TIMM17A: variants seen among roughly 807,000 people sequenced by gnomAD.
TIMM17A encodes the protein mitochondrial import inner membrane translocase subunit Tim17-A.
A neutral mutation model predicts 26.5 loss-of-function variants in TIMM17A; 15 were observed. The observed-to-expected ratio is 0.57, with a 90% CI of 0.38 to 0.87. TIMM17A has a LOEUF of 0.87. Ranked by LOEUF, TIMM17A falls within the 40% of genes least tolerant of loss-of-function variation. The pLI is 0.00. For synonymous variants in TIMM17A, 80 were observed against 70.8 expected (o/e 1.13, Z -0.66); for missense variants, 201 against 210.0 (o/e 0.96, Z 0.27).
Position 201,957,270 on chromosome 1 carries a change from C to A in TIMM17A, c.27-11C>A. ...TGAGAAATATGGTCTTTTTTTTCCC[C>A]CTGTTCTTAGCCCATGGCGAATTGT... On this transcript the variant is annotated splice_polypyrimidine_tract_variant and intron_variant, in intron 1 of 5. Transcript: ENST00000367287. 1 of 1,560,190 alleles carries A rather than the reference C, an allele frequency of 6.4e-7. No individual in the cohort carries two copies. Among genetic ancestry groups the A allele is most frequent in the Non-Finnish European group, 8.8e-7 (1 of 1,137,482 alleles).
At chr1:201,966,367 GAAAC>G (rs1162175709) in intron 5 of TIMM17A, among the ~76,000 whole-genome samples, 1 of 151,968 alleles carries the variant, frequency 6.6e-6, no homozygotes, top group African/African-American at 2.4e-5. Context: ...GTCTCAAAAT[GAAAC>G]AAACAGAAAA....
At chr1:201,956,300 GTT>G in intron 1 of TIMM17A, among the ~76,000 whole-genome samples, 1 of 152,298 alleles carries the variant, frequency 6.6e-6, no homozygotes, top group Middle Eastern at 3.4e-3. Context: ...GGTTGCCAGA[GTT>G]TAAAGTTTCT....
Position 201,955,535 on chromosome 1 carries a change from G to C in TIMM17A, c.9G>C (p.Glu3Asp). The C allele has an allele frequency of 6.2e-7, 1 of 1,614,264 alleles. No homozygotes were observed. The highest frequency in any genetic ancestry group is 1.1e-5 in the South Asian group (1 of 91,086). ...GCGGCATTGGAGTCAAGATGGAGGA[G>C]TACGCGCGAGAGCCTTGGTGAGCTT... ME[E>D]YAREPCPWRI... Residue 3 changes from glutamate (E) to aspartate (D), a missense_variant, in exon 1 of 6, where the codon GAG (glutamate) becomes GAC (aspartate). Transcript: ENST00000367287.
Position 201,962,635 on chromosome 1 carries a change from C to G in TIMM17A, c.191-981C>G, listed in dbSNP as rs911681300. 14 of 152,240 alleles carry G rather than the reference C, an allele frequency of 9.2e-5. 1 individual carries two copies. The highest frequency in any genetic ancestry group is 2.9e-4 in the African/African-American group (12 of 41,462). The allele number at this position is 152,240 out of a possible 1,614,324, so 9.4% of individuals were successfully genotyped here. A position where few individuals can be genotyped will look rare whatever the true frequency, so the allele number is the denominator to read the frequency against. ...AAAATGCTGGGATTGTAGGCGTGAG[C>G]TACCGCACCTGGCTGTTTTTGTATT... is the stretch of plus-strand genomic sequence containing the variant. On this transcript the variant is annotated intron_variant, in intron 3 of 5. Transcript: ENST00000367287.
intron 3 of TIMM17A, among the ~76,000 whole-genome samples, chr1:201,960,502 T>A (rs1434614186): frequency 6.6e-6 from 1 of 152,196 alleles, no homozygotes; most frequent in East Asian, 1.9e-4. Flanking sequence ...AAGAGTTTAT[T>A]TTTTCTTACA....
chr1:201,965,744 C>T (rs1172076707), intron 5 of TIMM17A, among the ~76,000 whole-genome samples: 1 of 152,130 alleles, frequency 6.6e-6, no homozygotes, highest in African/African-American at 2.4e-5. Flanking sequence ...TGCTGTTGAT[C>T]TTTCTTTATA....
At chr1:201,968,740 G>T (rs1571608710) in intron 5 of TIMM17A, among the ~76,000 whole-genome samples, 1 of 152,106 alleles carries the variant, frequency 6.6e-6, no homozygotes, top group African/African-American at 2.4e-5. Context: ...TGCATTTATA[G>T]TGAAGTAAAA....
intron 1 of TIMM17A, 80 bp downstream of exon 1, chr1:201,955,632 TG>T: frequency 6.3e-7 from 1 of 1,596,112 alleles, no homozygotes; most frequent in Non-Finnish European, 8.6e-7. Context: ...GCTCCCAAGG[TG>T]CAAGCCAGAC....
chr1:201,965,564 C>T (rs759517937), intron 5 of TIMM17A, 21 bp downstream of exon 5: 2 of 1,436,022 alleles, frequency 1.4e-6, no homozygotes, highest in South Asian at 1.1e-5. Context: ...TTGCTTAAAA[C>T]TATAGCTCAA....
intron 3 of TIMM17A, chr1:201,962,775 C>T (rs1229642035): frequency 1.3e-5 from 2 of 152,212 alleles, no homozygotes; most frequent in African/African-American, 2.4e-5. Context: ...ATAGTTCTAG[C>T]TATTTATATC....
At chr1:201,962,902 A>G (rs1400132867) in intron 3 of TIMM17A, 2 of 152,266 alleles carry the variant, frequency 1.3e-5, no homozygotes, top group Non-Finnish European at 2.9e-5. Context: ...ATGACATATA[A>G]TGCAGAAAGG....
chr1:201,964,209 T>C (rs1466301991), intron 4 of TIMM17A, among the ~76,000 whole-genome samples: 1 of 152,244 alleles, frequency 6.6e-6, no homozygotes, highest in Non-Finnish European at 1.5e-5. Flanking sequence ...TGAAAGAGCA[T>C]GGAATTCTAA....
At chr1:201,956,277 G>C (rs1415900970) in intron 1 of TIMM17A, among the ~76,000 whole-genome samples, 1 of 152,220 alleles carries the variant, frequency 6.6e-6, no homozygotes, top group Admixed American at 6.5e-5. Flanking sequence ...TGTAATTGCT[G>C]TCAGAAGTCT....
intron 5 of TIMM17A, among the ~76,000 whole-genome samples, chr1:201,966,862 A>G (rs1682635114): frequency 1.4e-5 from 2 of 138,792 alleles, no homozygotes; most frequent in African/African-American, 2.7e-5. Context: ...TATATATATA[A>G]CATATATATG....
intron 3 of TIMM17A, among the ~76,000 whole-genome samples, chr1:201,958,500 C>G (rs10800801): frequency 6.6e-6 from 1 of 152,116 alleles, no homozygotes; most frequent in Admixed American, 6.5e-5. Flanking sequence ...CTCAGGAGTT[C>G]GAGACCAGCC....
Position 201,969,778 on chromosome 1 carries a change from T to C in TIMM17A, c.*224T>C. On this transcript the variant is annotated 3_prime_UTR_variant, in exon 6 of 6. Coordinates refer to ENST00000367287, the MANE Select transcript of TIMM17A (RefSeq NM_006335.3). Reference sequence around the variant, plus strand: ...ACTTGAATTGCATTTGTGATCAAAATAAATGTTTAAATCGCTAAAGGAAAA... The same window carrying C: ...ACTTGAATTGCATTTGTGATCAAAACAAATGTTTAAATCGCTAAAGGAAAA... The C allele has an allele frequency of 2.7e-6, 1 of 373,062 alleles. No individual in the cohort carries two copies. The highest frequency in any genetic ancestry group is 4.8e-6 in the Non-Finnish European group (1 of 206,744). 23.1% of individuals were successfully genotyped at this position (373,062 alleles called of 1,614,324 possible). A position where few individuals can be genotyped will look rare whatever the true frequency, so the allele number is the denominator to read the frequency against.
At chr1:201,964,429 C>T (rs1682586167) in intron 4 of TIMM17A, among the ~76,000 whole-genome samples, 1 of 151,998 alleles carries the variant, frequency 6.6e-6, no homozygotes, top group African/African-American at 2.4e-5. Flanking sequence ...TTCCTTTGAG[C>T]TTAGTGGTTT....
intron 4 of TIMM17A, among the ~76,000 whole-genome samples, chr1:201,963,962 A>T (rs1273946954): frequency 1.3e-5 from 2 of 152,110 alleles, no homozygotes; most frequent in Non-Finnish European, 2.9e-5. Flanking sequence ...ACAAAAAAAA[A>T]AATTTAATTA....
chr1:201,968,574 T>A (rs1427355015), intron 5 of TIMM17A, among the ~76,000 whole-genome samples: 2 of 151,416 alleles, frequency 1.3e-5, no homozygotes, highest in Non-Finnish European at 2.9e-5. Context: ...ATATTTTCAG[T>A]AGAGACGGGG....
Sources: allele counts gnomAD v4.1 joint callset (sites outside exome capture counted in the v4.1 genomes callset), GRCh38; gene constraint gnomAD v4.1.1; transcripts MANE v1.5; gene names NCBI Gene and HGNC (gene_info 2026-07-23, HGNC 2026-07-21).